The following SENP5 variants were observed in gnomAD, a reference collection of about 807,000 sequenced individuals.
The protein encoded by SENP5 is SUMO specific peptidase 5.
Under a neutral mutation model 74.2 loss-of-function variants are expected in SENP5, and 21 were observed. The ratio of observed to expected loss-of-function variants is 0.28; its 90% CI spans 0.20 to 0.41. The LOEUF is 0.41. SENP5 is among the 10% of genes least tolerant of loss of function. SENP5 has a pLI of 1.00. For synonymous variants in SENP5, 311 were observed against 312.7 expected, an observed-to-expected ratio of 0.99 and a Z score of 0.06; for missense variants, 717 against 889.1, an observed-to-expected ratio of 0.81 and a Z score of 2.46.
At chr3:196,878,766 A>G (rs1369769947) in intron 1 of SENP5, among the ~76,000 whole-genome samples, 1 of 151,716 alleles carries the variant, frequency 6.6e-6, no homozygotes, top group Non-Finnish European at 1.5e-5. Flanking sequence ...TCATTTTTGT[A>G]TTTTTAGTAG....
At chr3:196,885,002 T>G in intron 1 of SENP5, 149 bp from the exon 2 acceptor site, 1 of 546,624 alleles carries the variant, frequency 1.8e-6, no homozygotes, top group Non-Finnish European at 3.2e-6. Flanking sequence ...GATGAAAACC[T>G]TGGTCAGATA....
Position 196,932,893 on chromosome 3 carries a change from A to G in SENP5, c.*1970A>G, listed in dbSNP as rs1437721894. 1 of 151,888 alleles carries G rather than the reference A, an allele frequency of 6.6e-6. No individual in the cohort carries two copies. The highest frequency in any genetic ancestry group is 1.5e-5 in the Non-Finnish European group (1 of 67,998). 9.4% of individuals were successfully genotyped at this position (151,888 alleles called of 1,614,324 possible). On this transcript the variant is annotated 3_prime_UTR_variant, in exon 10 of 10. Coordinates refer to ENST00000323460, the MANE Select transcript of SENP5 (RefSeq NM_152699.5). Reference sequence around the variant, plus strand: ...GAAGAGACAGAATTGTTCCTGTAAGAAAATCAACGCCGAGAGAGAGCTGCC... The same window carrying G: ...GAAGAGACAGAATTGTTCCTGTAAGGAAATCAACGCCGAGAGAGAGCTGCC...
At chr3:196,908,975 G>T (rs1577831393) in intron 6 of SENP5, among the ~76,000 whole-genome samples, 1 of 152,072 alleles carries the variant, frequency 6.6e-6, no homozygotes, top group African/African-American at 2.4e-5. Flanking sequence ...GTGAATCCAG[G>T]AGCTGGATTT....
chr3:196,904,054 T>G (rs1022149493), intron 6 of SENP5, among the ~76,000 whole-genome samples: 2 of 152,266 alleles, frequency 1.3e-5, no homozygotes, highest in African/African-American at 4.8e-5. Flanking sequence ...GAGAAATAAC[T>G]TTTATATCAC....
intron 5 of SENP5, among the ~76,000 whole-genome samples, chr3:196,901,202 T>A (rs975511477): frequency 6.6e-6 from 1 of 151,748 alleles, no homozygotes; most frequent in Non-Finnish European, 1.5e-5. Context: ...TGTGCCACCA[T>A]GCCTGGCTAA....
At chr3:196,901,638 G>T (rs1714703879) in intron 5 of SENP5, among the ~76,000 whole-genome samples, 1 of 152,072 alleles carries the variant, frequency 6.6e-6, no homozygotes, top group Admixed American at 6.5e-5. Flanking sequence ...TACCGTTTAT[G>T]AATATAGAAA....
At position 196,888,632 on chromosome 3, in the gene SENP5, A is replaced by C. The variant is rs144216011; in HGVS notation, c.1513+1938A>C. ...TGAAAACAGTAAGTTGCAAAATGGT[A>C]TGAAACCATTTTGTTAAAAGATATA... is the stretch of plus-strand genomic sequence containing the variant. On this transcript the variant is annotated intron_variant, in intron 2 of 9. Coordinates refer to ENST00000323460, the MANE Select transcript of SENP5 (RefSeq NM_152699.5). Among the ~76,000 whole-genome samples the C allele has an allele frequency of 8.7e-4, 133 of 152,042 alleles. No individual in the cohort carries two copies. In the East Asian group the frequency reaches 0.023, roughly 26 times the overall value.
At chr3:196,873,069 C>CTTT (rs572160747) in intron 1 of SENP5, among the ~76,000 whole-genome samples, 4 of 108,354 alleles carry the variant, frequency 3.7e-5, no homozygotes, top group Admixed American at 1.0e-4. Context: ...TGAGATTTAA[C>CTTT]TTTTTTTTTT....
chr3:196,884,427 A>G (rs34611437), intron 1 of SENP5, among the ~76,000 whole-genome samples: 51,993 of 152,142 alleles, frequency 0.34, 9,925 homozygotes, highest in East Asian at 0.77. Context: ...GATTTAATAA[A>G]ATCTAATATT....
At chr3:196,892,123 C>T (rs1011574665) in intron 2 of SENP5, among the ~76,000 whole-genome samples, 13 of 150,468 alleles carry the variant, frequency 8.6e-5, no homozygotes, top group Non-Finnish European at 1.2e-4. Context: ...AAAAAAAATA[C>T]AGGAAATCAT....
intron 2 of SENP5, among the ~76,000 whole-genome samples, chr3:196,893,873 G>A (rs895485139): frequency 4.7e-5 from 7 of 147,428 alleles, no homozygotes; most frequent in African/African-American, 1.8e-4. Flanking sequence ...TCGCACCACT[G>A]CACTCCAGCC....
intron 1 of SENP5, among the ~76,000 whole-genome samples, chr3:196,870,437 C>G (rs751717719): frequency 1.3e-5 from 2 of 152,052 alleles, no homozygotes; most frequent in African/African-American, 4.8e-5. Flanking sequence ...TTAGTAGAGC[C>G]GGAAATGGAC....
chr3:196,922,781 C>T (rs1715670275), intron 6 of SENP5, among the ~76,000 whole-genome samples: 1 of 152,112 alleles, frequency 6.6e-6, no homozygotes, highest in African/African-American at 2.4e-5. Flanking sequence ...ACCACCACGC[C>T]CGGTTAGTTT....
At chr3:196,907,357 C>G (rs1714944036) in intron 6 of SENP5, among the ~76,000 whole-genome samples, 1 of 151,004 alleles carries the variant, frequency 6.6e-6, no homozygotes, top group Non-Finnish European at 1.5e-5. Context: ...GCCTGTAGTC[C>G]CACTTACTCA....
At chr3:196,930,552 T>A (rs1313710564) in intron 9 of SENP5, among the ~76,000 whole-genome samples, 2 of 152,208 alleles carry the variant, frequency 1.3e-5, no homozygotes, top group African/African-American at 4.8e-5. Flanking sequence ...GTGTGAACCC[T>A]GTTGTGAACT....
At chr3:196,868,762 A>T (rs1713061254) in intron 1 of SENP5, among the ~76,000 whole-genome samples, 1 of 152,250 alleles carries the variant, frequency 6.6e-6, no homozygotes, top group African/African-American at 2.4e-5. Flanking sequence ...CTACCAATGT[A>T]AATTATAATG....
chr3:196,902,970 TAG>T (rs2108839369), intron 5 of SENP5, among the ~76,000 whole-genome samples: 1 of 152,286 alleles, frequency 6.6e-6, no homozygotes, highest in South Asian at 2.1e-4. Context: ...TCACCTGATT[TAG>T]AGAGATTTGT....
intron 2 of SENP5, among the ~76,000 whole-genome samples, chr3:196,887,394 G>T (rs1305534232): frequency 6.6e-6 from 1 of 151,928 alleles, no homozygotes; most frequent in East Asian, 1.9e-4. Context: ...TGGCCAGGCT[G>T]GTCTCGACCT....
chr3:196,894,116 G>GTTTTTTTTTTTTTTTTTTTTTTTT (rs34480422), intron 2 of SENP5, among the ~76,000 whole-genome samples: 1 of 93,188 alleles, frequency 1.1e-5, no homozygotes, highest in Non-Finnish European at 2.1e-5. Flanking sequence ...TATTAATGTG[G>GTTTTTTTTTTTTTTTTTTTTTTTT]TTTTTTTTTT....
Sources: gnomAD v4.1 joint callset for allele counts (sites outside exome capture counted in the v4.1 genomes callset) on GRCh38, gnomAD v4.1.1 for gene constraint, MANE v1.5 for transcripts, NCBI Gene and HGNC (gene_info 2026-07-23, HGNC 2026-07-21) for gene names.